Variants in EFNA5 observed in about 807,000 individuals in gnomAD.
The protein encoded by EFNA5 is ephrin-A5.
EFNA5 carries 5 observed loss-of-function variants against 22.9 expected under a neutral mutation model. That is an observed-to-expected ratio of 0.22 (90% CI 0.11 to 0.46). The LOEUF (loss-of-function observed/expected upper bound fraction) is 0.46, where lower values mean the gene tolerates loss of function less well. EFNA5 is among the 20% of genes least tolerant of loss of function. EFNA5 has a pLI of 0.99. For synonymous variants in EFNA5, 113 were observed against 112.2 expected (o/e 1.01, Z -0.04); for missense variants, 237 against 293.3 (o/e 0.81, Z 1.40).
chr5:107,390,158 A>G (rs142482168), intron 2 of EFNA5, among the ~76,000 whole-genome samples: 49 of 152,330 alleles, frequency 3.2e-4, no homozygotes, highest in African/African-American at 1.2e-3. Context: ...TAACACCTTG[A>G]AAAACAAACA....
At position 107,482,854 on chromosome 5, in the gene EFNA5, CTCTCTCTCTCTCTCTCTA is replaced by C. The variant is rs1561406366; in HGVS notation, c.126-55363_126-55346del. ...TCTGTCTCTCTCTCTCTCTCTCTCT[CTCTCTCTCTCTCTCTCTA>C]TATATATATATATATATATATACAT... On this transcript the variant is annotated intron_variant, in intron 1 of 4. Coordinates refer to ENST00000333274, the MANE Select transcript of EFNA5 (RefSeq NM_001962.3). 9.7e-3 allele frequency among the ~76,000 whole-genome samples: 672 copies of C among 69,072 alleles called. 5 individuals are homozygous for C. The highest frequency in any genetic ancestry group is 0.027 in the African/African-American group (452 of 16,530). The allele number at this position is 69,072 out of a possible 152,430, so 45.3% of individuals were successfully genotyped here.
intron 4 of EFNA5, among the ~76,000 whole-genome samples, 171 bp downstream of exon 4, chr5:107,387,064 G>T (rs1277011063): frequency 6.6e-6 from 1 of 152,102 alleles, no homozygotes; most frequent in African/African-American, 2.4e-5. Context: ...ATTGCACAAA[G>T]ATACTGGAGG....
chr5:107,643,185 C>G (rs1213665673), intron 1 of EFNA5, among the ~76,000 whole-genome samples: 1 of 152,154 alleles, frequency 6.6e-6, no homozygotes, highest in Non-Finnish European at 1.5e-5. Context: ...GTAGATCTAA[C>G]AAATGAAATC....
chr5:107,587,405 G>GTT (rs1245926943), intron 1 of EFNA5, among the ~76,000 whole-genome samples: 4 of 152,150 alleles, frequency 2.6e-5, no homozygotes, highest in Non-Finnish European at 5.9e-5. Flanking sequence ...AATACGTACA[G>GTT]TTTTTAAAGT....
At chr5:107,656,683 C>T (rs1157980690) in intron 1 of EFNA5, among the ~76,000 whole-genome samples, 1 of 151,978 alleles carries the variant, frequency 6.6e-6, no homozygotes, top group Non-Finnish European at 1.5e-5. Flanking sequence ...AGTTTTATAT[C>T]AGTTTTTAAA....
At chr5:107,612,801 G>T (rs1240033553) in intron 1 of EFNA5, among the ~76,000 whole-genome samples, 3 of 151,908 alleles carry the variant, frequency 2.0e-5, no homozygotes, top group Non-Finnish European at 4.4e-5. Context: ...ATGGAACAGA[G>T]TCACTATGAG....
chr5:107,559,938 T>G (rs750046499), intron 1 of EFNA5, among the ~76,000 whole-genome samples: 22 of 152,212 alleles, frequency 1.4e-4, no homozygotes, highest in Non-Finnish European at 2.9e-4. Flanking sequence ...TAGATATTGC[T>G]TTCTTTAATA....
chr5:107,599,912 A>G (rs1022690757), intron 1 of EFNA5, among the ~76,000 whole-genome samples: 1 of 152,240 alleles, frequency 6.6e-6, no homozygotes, highest in African/African-American at 2.4e-5. Flanking sequence ...GAAAAACCTG[A>G]AAGTACCTGC....
chr5:107,615,201 G>A (rs1014170509), intron 1 of EFNA5, among the ~76,000 whole-genome samples: 3 of 151,944 alleles, frequency 2.0e-5, no homozygotes, highest in Non-Finnish European at 4.4e-5. Flanking sequence ...GTTTTAAGGG[G>A]CACCTGACTG....
intron 2 of EFNA5, among the ~76,000 whole-genome samples, chr5:107,394,291 G>A (rs3797513): frequency 0.16 from 24,492 of 152,136 alleles, 2,345 homozygotes; most frequent in East Asian, 0.32. Flanking sequence ...CTTAAATCAT[G>A]GGCAGGTTAA....
chr5:107,633,938 A>G (rs900373522), intron 1 of EFNA5, among the ~76,000 whole-genome samples: 2 of 152,220 alleles, frequency 1.3e-5, no homozygotes, highest in African/African-American at 2.4e-5. Flanking sequence ...AGTGGGTGGC[A>G]TCTTATATCT....
chr5:107,434,117 T>C (rs1456446553), intron 1 of EFNA5, among the ~76,000 whole-genome samples: 1 of 152,192 alleles, frequency 6.6e-6, no homozygotes, highest in Admixed American at 6.5e-5. Context: ...GTAAGAGCTT[T>C]GTCCTCCTAA....
intron 1 of EFNA5, among the ~76,000 whole-genome samples, chr5:107,512,094 G>C (rs1747383233): frequency 6.6e-6 from 1 of 152,204 alleles, no homozygotes; most frequent in Non-Finnish European, 1.5e-5. Flanking sequence ...GAAAGAAATA[G>C]AAAGTCAAAA....
intron 1 of EFNA5, among the ~76,000 whole-genome samples, chr5:107,466,216 G>A (rs1167675565): frequency 6.6e-6 from 1 of 152,104 alleles, no homozygotes; most frequent in Non-Finnish European, 1.5e-5. Flanking sequence ...TGATACCAAA[G>A]TTCCACTGTG....
chr5:107,660,840 C>G (rs200073382), intron 1 of EFNA5, among the ~76,000 whole-genome samples: 3 of 152,224 alleles, frequency 2.0e-5, no homozygotes, highest in South Asian at 2.1e-4. Flanking sequence ...TAGTTTGACA[C>G]AAAACCCTGT....
intron 1 of EFNA5, among the ~76,000 whole-genome samples, chr5:107,668,815 C>G (rs2112565926): frequency 1.3e-5 from 2 of 152,276 alleles, no homozygotes; most frequent in Middle Eastern, 6.8e-3. Context: ...CTCTATTTGT[C>G]TTGTCAGCTT....
At chr5:107,438,358 G>A (rs997036694) in intron 1 of EFNA5, among the ~76,000 whole-genome samples, 2 of 152,162 alleles carry the variant, frequency 1.3e-5, no homozygotes, top group African/African-American at 4.8e-5. Context: ...TCATCAGGCT[G>A]CTTCACAAAC....
At chr5:107,512,538 C>G (rs1047664193) in intron 1 of EFNA5, among the ~76,000 whole-genome samples, 1 of 151,836 alleles carries the variant, frequency 6.6e-6, no homozygotes, top group Admixed American at 6.6e-5. Context: ...AAGCATGTCA[C>G]CCAGGTTAAG....
At chr5:107,417,035 C>T (rs1231055005) in intron 2 of EFNA5, among the ~76,000 whole-genome samples, 15 of 151,776 alleles carry the variant, frequency 9.9e-5, no homozygotes, top group Admixed American at 9.8e-4. Flanking sequence ...AGCAAATTTA[C>T]ATTAGAAGCC....
Sources: allele counts gnomAD v4.1 joint callset (sites outside exome capture counted in the v4.1 genomes callset), GRCh38; gene constraint gnomAD v4.1.1; transcripts MANE v1.5; gene names NCBI Gene and HGNC (gene_info 2026-07-23, HGNC 2026-07-21).